SLC35D1: variants seen among roughly 807,000 people sequenced by gnomAD.
The protein encoded by SLC35D1 is nucleotide sugar transporter SLC35D1.
In SLC35D1, 31 loss-of-function variants were observed where a neutral mutation model predicts 46.7. The ratio of observed to expected loss-of-function variants is 0.66; its 90% confidence interval spans 0.50 to 0.90. The LOEUF (loss-of-function observed/expected upper bound fraction) is 0.90. SLC35D1 is among the 40% of genes least tolerant of loss of function. SLC35D1 has a pLI of 0.00. For missense variants in SLC35D1, 397 were observed against 426.2 expected, an observed-to-expected ratio of 0.93 and a Z score of 0.60; for synonymous variants, 195 against 164.6, an observed-to-expected ratio of 1.18 and a Z score of -1.41.
chr1:67,030,320 T>A (rs1667992442), intron 8 of SLC35D1, among the ~76,000 whole-genome samples: 1 of 152,170 alleles, frequency 6.6e-6, no homozygotes. Flanking sequence ...CCCTAAAACC[T>A]TTCCTCCAGC....
intron 10 of SLC35D1, among the ~76,000 whole-genome samples, chr1:67,011,757 T>C (rs1262493555): frequency 2.0e-5 from 3 of 152,156 alleles, no homozygotes. Context: ...GTGTTGGGAT[T>C]ATAGGAGTTC....
At chr1:66,981,485 CCAGTTCT>C in the SLC35D1 span, among the ~76,000 whole-genome samples, 1 of 152,166 alleles carries the variant, frequency 6.6e-6, no homozygotes, top group East Asian at 1.9e-4. Context: ...AAGAGATCTT[CCAGTTCT>C]AGTTGGGCCA....
At chr1:66,979,097 G>GT in the SLC35D1 span, among the ~76,000 whole-genome samples, 2,977 of 147,900 alleles carry the variant, frequency 0.02, 89 homozygotes, top group African/African-American at 0.065. Flanking sequence ...CCACTGGGTT[G>GT]TTTTTTTTTT....
chr1:67,013,157 G>GATAGATAGATAGATATATATATAT (rs1553264879), intron 10 of SLC35D1, among the ~76,000 whole-genome samples: 6 of 29,834 alleles, frequency 2.0e-4, no homozygotes, highest in Admixed American at 9.1e-4. Context: ...ATATCCTGGA[G>GATAGATAGATAGATATATATATAT]ATATATATAT....
downstream of SLC35D1, among the ~76,000 whole-genome samples, chr1:66,994,786 G>A (rs2102207343): frequency 6.6e-6 from 1 of 152,094 alleles, no homozygotes; most frequent in Non-Finnish European, 1.5e-5. Context: ...CAGGAAACCT[G>A]TTTTCAATAT....
chr1:66,990,493 C>T, the SLC35D1 span, among the ~76,000 whole-genome samples: 1 of 152,062 alleles, frequency 6.6e-6, no homozygotes, highest in Non-Finnish European at 1.5e-5. Flanking sequence ...TCTCAAACTC[C>T]TGGGTTCAAG....
At chr1:67,052,628 C>A in intron 3 of SLC35D1, 143 bp downstream of exon 3, 1 of 761,654 alleles carries the variant, frequency 1.3e-6, no homozygotes, top group Non-Finnish European at 2.2e-6. Context: ...CATATTACTA[C>A]TTTTATTCTT....
chr1:66,988,070 TG>T, the SLC35D1 span: 1 of 152,258 alleles, frequency 6.6e-6, no homozygotes, highest in Non-Finnish European at 1.5e-5. Context: ...AGTGGGCACT[TG>T]GAATAACTGA....
chr1:67,051,746 G>C (rs1645311291), intron 4 of SLC35D1, among the ~76,000 whole-genome samples: 1 of 151,996 alleles, frequency 6.6e-6, no homozygotes, highest in South Asian at 2.1e-4. Context: ...TCCTATCATA[G>C]CATTTTATAA....
At chr1:66,993,937 C>T in the SLC35D1 span, among the ~76,000 whole-genome samples, 1 of 152,174 alleles carries the variant, frequency 6.6e-6, no homozygotes, top group Non-Finnish European at 1.5e-5. Context: ...CTTTTATACT[C>T]GGAAAGCATT....
At chr1:67,008,533 C>A (rs1570606874) in intron 11 of SLC35D1, 1 of 1,079,294 alleles carries the variant, frequency 9.3e-7, no homozygotes, top group Non-Finnish European at 1.2e-6. Context: ...ATGGAACGTG[C>A]CGAACTGCTT....
chr1:67,012,544 TCAAA>T (rs1431941792), intron 10 of SLC35D1, among the ~76,000 whole-genome samples: 162 of 13,204 alleles, frequency 0.012, no homozygotes, highest in African/African-American at 0.034. Flanking sequence ...GACTCCTAAA[TCAAA>T]AAAAAAAAAA....
chr1:66,995,613 T>C (rs1276051667), downstream of SLC35D1, among the ~76,000 whole-genome samples: 1 of 151,092 alleles, frequency 6.6e-6, no homozygotes, highest in Non-Finnish European at 1.5e-5. Flanking sequence ...CCCACAGAGA[T>C]GAGGGGACGT....
chr1:67,019,117 G>GATAA (rs1667744678), intron 10 of SLC35D1, among the ~76,000 whole-genome samples: 1 of 152,144 alleles, frequency 6.6e-6, no homozygotes, highest in Non-Finnish European at 1.5e-5. Context: ...TGTTGATAAT[G>GATAA]ATAAAGTACA....
chr1:66,990,141 A>G, the SLC35D1 span, among the ~76,000 whole-genome samples: 1 of 152,208 alleles, frequency 6.6e-6, no homozygotes, highest in African/African-American at 2.4e-5. Context: ...GCTTTCAAAC[A>G]TCCTGAATTA....
Position 67,004,276 on chromosome 1 carries a change from A to C in SLC35D1, c.*64T>G. On this transcript the variant is annotated 3_prime_UTR_variant, in exon 12 of 12. Coordinates refer to ENST00000235345, the MANE Select transcript of SLC35D1 (RefSeq NM_015139.3). Reference sequence around the variant, plus strand: ...CAAGACACCTCAGTGTCTCTGTAGGAACTGCCAGTGTTCTGAGTTGATTAA... The same window carrying C: ...CAAGACACCTCAGTGTCTCTGTAGGCACTGCCAGTGTTCTGAGTTGATTAA... 7.5e-7 allele frequency: 1 copy of C among 1,329,178 alleles called. No homozygotes were observed. The highest frequency in any genetic ancestry group is 1.1e-6 in the Non-Finnish European group (1 of 921,216). The allele number at this position is 1,329,178 out of a possible 1,614,324, so 82.3% of individuals were successfully genotyped here. A position where few individuals can be genotyped will look rare whatever the true frequency, so the allele number is the denominator to read the frequency against.
In SLC35D1 at chr1:67,052,984, G is replaced by T. The variant is rs766987054; in HGVS notation, c.209C>A (p.Pro70His). Reference protein sequence around the residue: ...NKSVLTNYRFPSSLCVGLGQM... With the variant: ...NKSVLTNYRFHSSLCVGLGQM... ...GCCAAGTCCAACACATAGTGAGGAG[G>T]GAAATCTACAAAAAGGGCAAAGAAA... Residue 70 changes from proline (P) to histidine (H), a missense_variant, in exon 2 of 12, where the codon CCC (proline) becomes CAC (histidine). Transcript: ENST00000235345. The T allele has an allele frequency of 4.3e-6, 7 of 1,613,712 alleles. No individual in the cohort carries two copies. The Admixed American group carries it at 8.3e-5, about 19-fold the overall frequency.
intron 8 of SLC35D1, among the ~76,000 whole-genome samples, chr1:67,022,632 A>G (rs185766285): frequency 5.9e-5 from 9 of 152,336 alleles, no homozygotes; most frequent in African/African-American, 1.2e-4. Flanking sequence ...GAGGACCCAC[A>G]TCACATTTAT....
chr1:67,021,704 CAGACACAGACACAGACACAG>C (rs1390830090), intron 8 of SLC35D1, 102 bp from the exon 9 acceptor site: 7 of 303,578 alleles, frequency 2.3e-5, no homozygotes, highest in African/African-American at 1.7e-4. Context: ...AACACAGACA[CAGACACAGACACAGACACAG>C]ACACACACAC....
Sources: allele counts gnomAD v4.1 joint callset (sites outside exome capture counted in the v4.1 genomes callset), GRCh38; gene constraint gnomAD v4.1.1; transcripts MANE v1.5; gene names NCBI Gene and HGNC (gene_info 2026-07-23, HGNC 2026-07-21).